Variants in MYOM3 observed in about 807,000 individuals in gnomAD.
MYOM3 encodes the protein myomesin 3.
In MYOM3, 155 loss-of-function variants were observed where a neutral mutation model predicts 191.7. That is an observed-to-expected ratio of 0.81 (90% CI 0.71 to 0.92). The LOEUF (loss-of-function observed/expected upper bound fraction) is 0.92, where lower values mean the gene tolerates loss of function less well. Ranked by LOEUF, MYOM3 falls within the 40% of genes least tolerant of loss-of-function variation. MYOM3 has a pLI of 0.00. For synonymous variants in MYOM3, 757 were observed against 762.9 expected, an observed-to-expected ratio of 0.99 and a Z score of 0.13; for missense variants, 1,889 against 1,890.6, an observed-to-expected ratio of 1.00 and a Z score of 0.02.
At chr1:24,110,842 T>C (rs1644032303) in intron 1 of MYOM3, among the ~76,000 whole-genome samples, 1 of 152,216 alleles carries the variant, frequency 6.6e-6, no homozygotes, top group South Asian at 2.1e-4. Flanking sequence ...GGAGAGCTGC[T>C]GGGTACCACC....
At chr1:24,100,314 C>T (rs1200628372) in intron 5 of MYOM3, among the ~76,000 whole-genome samples, 1 of 152,160 alleles carries the variant, frequency 6.6e-6, no homozygotes, top group East Asian at 1.9e-4. Flanking sequence ...ATGGGATGGG[C>T]TTATAAAGCC....
At chr1:24,081,499 AG>A in intron 18 of MYOM3, 43 bp from the exon 19 acceptor site, 1 of 1,602,512 alleles carries the variant, frequency 6.2e-7, no homozygotes, top group Non-Finnish European at 8.5e-7. Flanking sequence ...AGGCTGGAGG[AG>A]GGATGGGGAA....
chr1:24,101,705 T>C (rs1643936577), intron 5 of MYOM3, among the ~76,000 whole-genome samples: 4 of 152,190 alleles, frequency 2.6e-5, no homozygotes, highest in Admixed American at 6.5e-5. Flanking sequence ...CAAACCATGA[T>C]TGTGCCACTG....
chr1:24,095,384 T>C, intron 8 of MYOM3, 58 bp downstream of exon 8: 2 of 1,515,038 alleles, frequency 1.3e-6, no homozygotes, highest in Non-Finnish European at 1.8e-6. Flanking sequence ...ACTGTGGGGG[T>C]CGGGGAGCAA....
Position 24,107,252 on chromosome 1 carries a change from CG to C in MYOM3, c.243-21del, listed in dbSNP as rs1457214565. 3.2e-6 allele frequency: 5 copies of C among 1,581,560 alleles called. No homozygotes were observed. Among genetic ancestry groups the C allele is most frequent in the Non-Finnish European group, 4.3e-6 (5 of 1,162,314 alleles). ...GCTTCCCTGCCGTGACAGAGGCCAT[CG>C]GGGCTCAGGCAGGGATGGGGGATGC... On this transcript the variant is annotated intron_variant, in intron 3 of 36. Coordinates refer to ENST00000374434, the MANE Select transcript of MYOM3 (RefSeq NM_152372.4).
intron 36 of MYOM3, among the ~76,000 whole-genome samples, chr1:24,058,307 G>C (rs1412710552): frequency 3.3e-5 from 5 of 152,162 alleles, no homozygotes; most frequent in African/African-American, 4.8e-5. Context: ...TACTGAACAA[G>C]CTCTAATGCA....
Position 24,086,694 on chromosome 1 carries a change from A to C in MYOM3, c.1748T>G (p.Leu583Arg). The change falls in exon 15 of 37, where the codon CTG becomes CGG. Residue 583 changes from leucine to arginine, a missense_variant. Transcript: ENST00000374434. ...FRVRAMNQYG[L>R]SDPSEPSEPI... ...TTCGCTGGGCTCCGAGGGATCGCTCAGGCCATACTGGTTCATTGCTCGCAC... is the reference window on the plus strand; with the variant it reads ...TTCGCTGGGCTCCGAGGGATCGCTCCGGCCATACTGGTTCATTGCTCGCAC... The C allele has an allele frequency of 6.2e-7, 1 of 1,614,124 alleles. No individual in the cohort carries two copies. The highest frequency in any genetic ancestry group is 8.5e-7 in the Non-Finnish European group (1 of 1,180,002).
At position 24,090,817 on chromosome 1, in the gene MYOM3, T is replaced by A. The variant is rs769928113; in HGVS notation, c.1412A>T (p.Asp471Val). 3 of 1,614,122 alleles carry A rather than the reference T, an allele frequency of 1.9e-6. No individual in the cohort carries two copies. Among genetic ancestry groups the A allele is most frequent in the Admixed American group, 3.3e-5 (2 of 60,024 alleles). The change falls in exon 12 of 37, where the codon GAT becomes GTT. Residue 471 changes from aspartate (D) to valine (V), a missense_variant. Transcript: ENST00000374434. The stretch of plus-strand genomic sequence containing the variant: ...CCCACCTGTCTTCCTCCGGGCTGCA[T>A]CATGGTCACCCATGACAACCAACTC... ...ASELVVMGDHDAARRKTEIPF... is the reference protein window; with the variant it reads ...ASELVVMGDHVAARRKTEIPF...
rs930203022 is a variant in MYOM3, at chr1:24,057,128, C to G, written c.*236G>C. ...AGATAGCCCCAGTGCATCCGGGTCT[C>G]CTACTCCAGGTCCAGGGTTCATCCC... On this transcript the variant is annotated 3_prime_UTR_variant, in exon 37 of 37. Coordinates refer to ENST00000374434, the MANE Select transcript of MYOM3 (RefSeq NM_152372.4). 11 of 559,418 alleles carry G rather than the reference C, an allele frequency of 2.0e-5. No individual in the cohort carries two copies. Among genetic ancestry groups the G allele is most frequent in the Admixed American group, 3.2e-5 (1 of 31,282 alleles). The allele number at this position is 559,418 out of a possible 1,614,324, so 34.7% of individuals were successfully genotyped here. A position where few individuals can be genotyped will look rare whatever the true frequency, so the allele number is the denominator to read the frequency against.
At chr1:24,071,078 A>T (rs1409986422) in intron 25 of MYOM3, 39 bp downstream of exon 25, 5 of 1,602,690 alleles carry the variant, frequency 3.1e-6, no homozygotes, top group Non-Finnish European at 4.3e-6. Flanking sequence ...CCTCCCCGGC[A>T]GGGGAGCCTC....
intron 12 of MYOM3, 115 bp from the exon 13 acceptor site, chr1:24,090,233 C>G: frequency 1.2e-6 from 1 of 840,896 alleles, no homozygotes; most frequent in Non-Finnish European, 2.0e-6. Context: ...CCTTGCAGCC[C>G]TCGCTGTGCA....
In MYOM3 at chr1:24,090,989, C is replaced by T. The variant is rs749259998; in HGVS notation, c.1240G>A (p.Gly414Ser). The T allele has an allele frequency of 2.5e-6, 4 of 1,613,664 alleles. No individual in the cohort carries two copies. Among genetic ancestry groups the T allele is most frequent in the Admixed American group, 1.7e-5 (1 of 60,016 alleles). Residue 414 changes from glycine to serine, a missense_variant, in exon 12 of 37, where the codon GGC becomes AGC. Physicochemically the swap from Gly to Ser is moderately conservative, Grantham distance 56. Transcript: ENST00000374434. Reference protein sequence around the residue: ...ITAYTIERCQGESGEWIACHE... With the variant: ...ITAYTIERCQSESGEWIACHE... The stretch of plus-strand genomic sequence containing the variant: ...CAGGCGATCCATTCCCCAGACTCGC[C>T]CTGGCACCTGTTGGAGACAGGCCCC...
In MYOM3 at chr1:24,108,090, G is replaced by A. The variant is rs2148563137; in HGVS notation, c.162-17C>T. The stretch of plus-strand genomic sequence containing the variant: ...TCTTCTTCGCTGCTCCCAGAAGGAG[G>A]GGAGTAAATGGCTCTTGCAGGATTG... On this transcript the variant is annotated splice_polypyrimidine_tract_variant and intron_variant, in intron 2 of 36. Transcript: ENST00000374434. The A allele has an allele frequency of 6.2e-7, 1 of 1,611,508 alleles. No homozygotes were observed.
At chr1:24,096,851 C>G (rs912557489) in intron 7 of MYOM3, among the ~76,000 whole-genome samples, 1 of 152,230 alleles carries the variant, frequency 6.6e-6, no homozygotes, top group Non-Finnish European at 1.5e-5. Context: ...GTGCCCTGCC[C>G]TGGTCATGGG....
Position 24,108,019 on chromosome 1 carries a change from AGCCAGGGCTGCT to A in MYOM3, c.204_215del (p.Ala69_Ala72del). 2 of 1,613,744 alleles carry A rather than the reference AGCCAGGGCTGCT, an allele frequency of 1.2e-6. No individual in the cohort carries two copies. Among genetic ancestry groups the A allele is most frequent in the Non-Finnish European group, 1.7e-6 (2 of 1,179,872 alleles). ...AAGACAGCTCGGAGGAGGCCGTCAGAGCCAGGGCTGCTGCCAGGGCGTAGTCCGCGGCGCTGA... is the reference window on the plus strand; with the variant it reads ...AAGACAGCTCGGAGGAGGCCGTCAGAGCCAGGGCGTAGTCCGCGGCGCTGA... On this transcript the variant is annotated inframe_deletion, in exon 3 of 37. Coordinates refer to ENST00000374434, the MANE Select transcript of MYOM3 (RefSeq NM_152372.4).
chr1:24,067,434 CCTTCCTTCCTTTG>C, intron 27 of MYOM3, among the ~76,000 whole-genome samples: 1 of 81,952 alleles, frequency 1.2e-5, no homozygotes, highest in African/African-American at 5.4e-5. Context: ...TTCCTTCCTT[CCTTCCTTCCTTTG>C]TTTCCTTCCT....
intron 16 of MYOM3, chr1:24,082,936 G>C (rs1643692112): frequency 2.2e-6 from 1 of 464,898 alleles, no homozygotes; most frequent in Admixed American, 4.5e-5. Context: ...TGCTTTTCCA[G>C]ATCCACCCTT....
chr1:24,089,427 C>G (rs1326167305), intron 14 of MYOM3, 111 bp downstream of exon 14: 2 of 1,386,436 alleles, frequency 1.4e-6, no homozygotes, highest in Non-Finnish European at 1.9e-6. Context: ...CCCTTCTGGC[C>G]AGGGGATTCT....
intron 1 of MYOM3, among the ~76,000 whole-genome samples, chr1:24,110,925 G>C (rs932169764): frequency 1.3e-5 from 2 of 152,166 alleles, no homozygotes; most frequent in African/African-American, 4.8e-5. Flanking sequence ...CAGTGGCTGA[G>C]AGTTAACATT....
Sources: allele counts gnomAD v4.1 joint callset (sites outside exome capture counted in the v4.1 genomes callset), GRCh38; gene constraint gnomAD v4.1.1; transcripts MANE v1.5; gene names NCBI Gene and HGNC (gene_info 2026-07-23, HGNC 2026-07-21).